MYRFL: variants seen among roughly 807,000 people sequenced by gnomAD.
MYRFL encodes myelin regulatory factor like.
In MYRFL, 88 loss-of-function variants were observed where a neutral mutation model predicts 109.4. The ratio of observed to expected loss-of-function variants is 0.80; its 90% CI spans 0.68 to 0.96. MYRFL has a LOEUF of 0.96. MYRFL is among the 40% of genes least tolerant of loss of function. The pLI, the probability that MYRFL is intolerant of heterozygous loss-of-function variation, is 0.00. For missense variants in MYRFL, 957 were observed against 954.9 expected (o/e 1.00, Z -0.03); for synonymous variants, 324 against 320.9 (o/e 1.01, Z -0.10).
At chr12:69,843,130 G>A (rs1041663560) in intron 1 of MYRFL, among the ~76,000 whole-genome samples, 10 of 152,320 alleles carry the variant, frequency 6.6e-5, no homozygotes, top group Admixed American at 5.9e-4. Flanking sequence ...CAAGGCAAAA[G>A]TATTCTAAGC....
chr12:69,924,449 C>T (rs1037218706), intron 13 of MYRFL, among the ~76,000 whole-genome samples: 1 of 152,034 alleles, frequency 6.6e-6, no homozygotes, highest in Non-Finnish European at 1.5e-5. Context: ...TTCTTCCTTT[C>T]TTTTTACAGT....
chr12:69,918,804 G>A (rs1040690233), intron 13 of MYRFL, among the ~76,000 whole-genome samples: 5 of 151,870 alleles, frequency 3.3e-5, no homozygotes, highest in East Asian at 1.9e-4. Flanking sequence ...TGTCTTTTTC[G>A]GGACAAGAAT....
At chr12:69,869,949 T>C (rs1321188227) in intron 2 of MYRFL, among the ~76,000 whole-genome samples, 1 of 152,178 alleles carries the variant, frequency 6.6e-6, no homozygotes, top group African/African-American at 2.4e-5. Flanking sequence ...GTACGCCCTC[T>C]TTTGGTTCAC....
intron 13 of MYRFL, among the ~76,000 whole-genome samples, chr12:69,919,264 C>A (rs1296330600): frequency 1.3e-5 from 2 of 152,212 alleles, no homozygotes; most frequent in Admixed American, 6.5e-5. Context: ...CATAGAATTA[C>A]AACAAACTAT....
rs139238764 is a variant in MYRFL, at chr12:69,913,840, C to T, written c.1602+2910C>T. 5.6e-3 allele frequency among the ~76,000 whole-genome samples: 851 copies of T among 152,228 alleles called. 6 individuals are homozygous for T. Among genetic ancestry groups the T allele is most frequent in the Middle Eastern group, 0.017 (5 of 294 alleles). ...ATCTTTCTATTTCTGCAAAAGACAA[C>T]GTTGGGATTTTGATAGGGATTTCAT... is the stretch of plus-strand genomic sequence containing the variant. On this transcript the variant is annotated intron_variant, in intron 13 of 24. Coordinates refer to ENST00000552032, the MANE Select transcript of MYRFL (RefSeq NM_182530.3).
chr12:69,872,385 A>G (rs1438524595), intron 2 of MYRFL, among the ~76,000 whole-genome samples: 2 of 152,010 alleles, frequency 1.3e-5, no homozygotes, highest in Non-Finnish European at 2.9e-5. Flanking sequence ...GTGCAGTGGC[A>G]TGATCACAGC....
At chr12:69,932,687 T>C in intron 16 of MYRFL, 89 bp downstream of exon 16, 1 of 971,532 alleles carries the variant, frequency 1.0e-6, no homozygotes, top group South Asian at 1.5e-5. Flanking sequence ...GACTGGCCTG[T>C]TTACTTTGAA....
chr12:69,926,761 A>C (rs2120447114), intron 14 of MYRFL, 27 bp downstream of exon 14: 8 of 1,393,498 alleles, frequency 5.7e-6, no homozygotes, highest in South Asian at 1.8e-5. Flanking sequence ...TTGCCATAGA[A>C]ATTTGGGGAA....
chr12:69,937,321 TTAA>T (rs1327109079), intron 19 of MYRFL, among the ~76,000 whole-genome samples: 3 of 152,124 alleles, frequency 2.0e-5, no homozygotes, highest in African/African-American at 7.2e-5. Context: ...AATAGTAATA[TTAA>T]TGATGATGCT....
chr12:69,881,190 G>C (rs1281665058), intron 5 of MYRFL, among the ~76,000 whole-genome samples: 1 of 151,998 alleles, frequency 6.6e-6, no homozygotes, highest in Non-Finnish European at 1.5e-5. Flanking sequence ...GGCTGGTCTT[G>C]AATTCCTGGC....
intron 2 of MYRFL, among the ~76,000 whole-genome samples, chr12:69,858,342 T>C (rs1296335837): frequency 6.6e-6 from 1 of 151,944 alleles, no homozygotes; most frequent in Admixed American, 6.6e-5. Context: ...CTGGGTTTGG[T>C]ATCACAGCAA....
intron 1 of MYRFL, among the ~76,000 whole-genome samples, chr12:69,844,856 TCTC>T (rs1365028898): frequency 6.6e-6 from 1 of 151,940 alleles, no homozygotes; most frequent in African/African-American, 2.4e-5. Context: ...TTTAAATTGA[TCTC>T]CTTCTCTTCT....
chr12:69,921,685 T>C (rs890509849), intron 13 of MYRFL, among the ~76,000 whole-genome samples: 8 of 152,214 alleles, frequency 5.3e-5, no homozygotes, highest in African/African-American at 1.9e-4. Flanking sequence ...AAATTTCCTC[T>C]CCACTTTTAT....
chr12:69,850,214 T>C (rs750775012), intron 1 of MYRFL, among the ~76,000 whole-genome samples: 6 of 152,236 alleles, frequency 3.9e-5, no homozygotes, highest in Admixed American at 6.5e-5. Context: ...GTAAGTCCAA[T>C]AAACCTCTTC....
intron 10 of MYRFL, among the ~76,000 whole-genome samples, chr12:69,900,832 T>A (rs766601646): frequency 1.2e-4 from 18 of 152,238 alleles, no homozygotes; most frequent in Non-Finnish European, 2.4e-4. Context: ...TTGTATTTTT[T>A]ATGAAAGGCG....
chr12:69,936,226 T>C, intron 17 of MYRFL, 39 bp downstream of exon 17: 1 of 1,535,516 alleles, frequency 6.5e-7, no homozygotes, highest in Non-Finnish European at 8.7e-7. Flanking sequence ...AAAATTCCTT[T>C]GGAGAGAAGG....
chr12:69,928,031 A>G (rs947140725), intron 15 of MYRFL, among the ~76,000 whole-genome samples: 6 of 152,212 alleles, frequency 3.9e-5, no homozygotes, highest in African/African-American at 1.2e-4. Context: ...GCCTCGTCAT[A>G]CAGATGGCCT....
intron 1 of MYRFL, among the ~76,000 whole-genome samples, chr12:69,851,875 T>G (rs934320432): frequency 6.6e-6 from 1 of 152,164 alleles, no homozygotes; most frequent in African/African-American, 2.4e-5. Flanking sequence ...TTGCCCAGGC[T>G]GGTCTCCAAC....
intron 2 of MYRFL, among the ~76,000 whole-genome samples, chr12:69,872,000 T>C (rs749474245): frequency 6.6e-6 from 1 of 152,254 alleles, no homozygotes; most frequent in Non-Finnish European, 1.5e-5. Context: ...AATATTTAGC[T>C]ATGTGATTGT....
Sources: gnomAD v4.1 joint callset for allele counts (sites outside exome capture counted in the v4.1 genomes callset) on GRCh38, gnomAD v4.1.1 for gene constraint, MANE v1.5 for transcripts, NCBI Gene and HGNC (gene_info 2026-07-23, HGNC 2026-07-21) for gene names.